Variants in WASL observed in about 807,000 individuals in gnomAD.
WASL encodes the protein WASP like actin nucleation promoting factor, also known as actin nucleation-promoting factor WASL.
Under a neutral mutation model 55.5 loss-of-function variants are expected in WASL, and 20 were observed. That is an observed-to-expected ratio of 0.36 (90% CI 0.25 to 0.52). WASL has a LOEUF of 0.52. Among genes scored for constraint, WASL ranks in the 20% least tolerant of loss-of-function variants. WASL has a pLI of 0.92. For missense variants in WASL, 504 were observed against 622.5 expected (o/e 0.81, Z 2.03); for synonymous variants, 249 against 217.6 (o/e 1.14, Z -1.27).
intron 5 of WASL, among the ~76,000 whole-genome samples, chr7:123,702,753 G>A (rs1216628559): frequency 6.6e-6 from 1 of 152,196 alleles, no homozygotes; most frequent in Non-Finnish European, 1.5e-5. Flanking sequence ...AAAGCATATA[G>A]GAGAATCTGT....
intron 1 of WASL, among the ~76,000 whole-genome samples, chr7:123,714,411 A>G (rs1803805723): frequency 6.6e-6 from 1 of 152,126 alleles, no homozygotes; most frequent in Non-Finnish European, 1.5e-5. Context: ...ATGACAAAAG[A>G]CTCCACAAGA....
intron 5 of WASL, among the ~76,000 whole-genome samples, chr7:123,704,058 T>C (rs1286780702): frequency 6.6e-6 from 1 of 152,168 alleles, no homozygotes; most frequent in Non-Finnish European, 1.5e-5. Flanking sequence ...TGGTATTCAA[T>C]GTTTTTTAAA....
chr7:123,684,555 T>C lies in WASL; in HGVS notation c.1482A>G (p.Glu494=). The C allele has an allele frequency of 7.1e-7, 1 of 1,399,050 alleles. No homozygotes were observed. The allele number at this position is 1,399,050 out of a possible 1,614,324, so 86.7% of individuals were successfully genotyped here. A position where few individuals can be genotyped will look rare whatever the true frequency, so the allele number is the denominator to read the frequency against. The change falls in exon 11 of 11, where the codon GAA becomes GAG. Residue 494 remains glutamate (E), a synonymous_variant. Transcript: ENST00000223023. ...ACTCATCATCATCCTCAAAATCTTC[T>C]TCATCATCTTCATCTTCATCTTCAT... ...SSDEDEDEDD[E]EDFEDDDEWE... is the part of the protein sequence containing the mutation.
intron 10 of WASL, among the ~76,000 whole-genome samples, chr7:123,685,484 A>T (rs927992149): frequency 3.3e-5 from 5 of 152,066 alleles, no homozygotes; most frequent in Non-Finnish European, 5.9e-5. Flanking sequence ...TTTAGAAACC[A>T]TTCATAAACT....
chr7:123,717,390 C>T (rs1803863503), intron 1 of WASL, among the ~76,000 whole-genome samples: 1 of 152,216 alleles, frequency 6.6e-6, no homozygotes, highest in Non-Finnish European at 1.5e-5. Context: ...TGCCTAGGGG[C>T]TCCTCTTTAG....
intron 1 of WASL, among the ~76,000 whole-genome samples, chr7:123,742,223 C>G (rs1804355234): frequency 6.6e-6 from 1 of 152,172 alleles, no homozygotes; most frequent in African/African-American, 2.4e-5. Flanking sequence ...CCCTTTGCAT[C>G]TTAAAAGCAT....
chr7:123,741,647 T>C (rs1027296628), intron 1 of WASL, among the ~76,000 whole-genome samples: 6 of 152,286 alleles, frequency 3.9e-5, no homozygotes, highest in African/African-American at 1.4e-4. Context: ...TATACTTCCA[T>C]TAATATTATT....
rs1803498202 is a variant in WASL, at chr7:123,696,689, T to C, written c.519A>G (p.Arg173=). ...TGTTGTTGACTTGTGGACCATAAAA[T>C]CTATTTGTTGTGATTTCTGGATTTT... ...DIKNPEITTN[R]FYGPQVNNIS... is the part of the protein sequence containing the mutation. The change falls in exon 6 of 11, where the codon AGA becomes AGG. Residue 173 remains arginine, a synonymous_variant. Coordinates refer to ENST00000223023, the MANE Select transcript of WASL (RefSeq NM_003941.4). 6.2e-7 allele frequency: 1 copy of C among 1,602,770 alleles called. No homozygotes were observed. The highest frequency in any genetic ancestry group is 2.3e-5 in the East Asian group (1 of 44,168).
chr7:123,687,241 C>T (rs961605658), intron 10 of WASL, among the ~76,000 whole-genome samples: 1 of 152,090 alleles, frequency 6.6e-6, no homozygotes, highest in Non-Finnish European at 1.5e-5. Context: ...TGGTTCAAGC[C>T]TCCATCACCT....
chr7:123,700,938 G>A (rs186265160), intron 5 of WASL, among the ~76,000 whole-genome samples: 26 of 152,288 alleles, frequency 1.7e-4, no homozygotes, highest in African/African-American at 6.0e-4. Context: ...ATACATTCAA[G>A]AGGTTAGGTA....
chr7:123,723,567 T>C (rs1803990609), intron 1 of WASL, among the ~76,000 whole-genome samples: 1 of 152,170 alleles, frequency 6.6e-6, no homozygotes, highest in Non-Finnish European at 1.5e-5. Flanking sequence ...CCAACCCCAA[T>C]ACTTCCAGTG....
chr7:123,693,676 A>G (rs1201401010), intron 8 of WASL, among the ~76,000 whole-genome samples: 1 of 152,356 alleles, frequency 6.6e-6, no homozygotes, highest in East Asian at 1.9e-4. Context: ...TAACAGAAAA[A>G]TAAACTTGGC....
Position 123,683,926 on chromosome 7 carries a change from A to C in WASL, c.*593T>G, listed in dbSNP as rs187198730. On this transcript the variant is annotated 3_prime_UTR_variant, in exon 11 of 11. Transcript: ENST00000223023. Reference sequence around the variant, plus strand: ...CAGTATTACTGTAAGAGGTGTGTTAATCGTCTTCCCCACTAGTATCTCTGT... The same window carrying C: ...CAGTATTACTGTAAGAGGTGTGTTACTCGTCTTCCCCACTAGTATCTCTGT... 378 of 152,152 alleles carry C rather than the reference A, an allele frequency of 2.5e-3. 3 individuals are homozygous for C. Among genetic ancestry groups the C allele is most frequent in the African/African-American group, 8.4e-3 (351 of 41,554 alleles). The allele number at this position is 152,152 out of a possible 1,614,324, so 9.4% of individuals were successfully genotyped here.
intron 5 of WASL, among the ~76,000 whole-genome samples, chr7:123,699,465 A>G (rs945845361): frequency 1.3e-5 from 2 of 152,192 alleles, no homozygotes; most frequent in African/African-American, 2.4e-5. Flanking sequence ...ACTATAAACA[A>G]TCAGACTCAC....
intron 10 of WASL, among the ~76,000 whole-genome samples, chr7:123,687,618 CCCT>C (rs1415712557): frequency 1.3e-5 from 2 of 152,118 alleles, no homozygotes; most frequent in Non-Finnish European, 2.9e-5. Context: ...ACAGTCTGCC[CCCT>C]ATTTCCCTTT....
At chr7:123,733,435 A>C (rs1182669964) in intron 1 of WASL, among the ~76,000 whole-genome samples, 1 of 152,180 alleles carries the variant, frequency 6.6e-6, no homozygotes, top group East Asian at 1.9e-4. Flanking sequence ...ATCTCTGTAT[A>C]AATCTAATAA....
intron 5 of WASL, among the ~76,000 whole-genome samples, chr7:123,702,992 T>TATA (rs988057018): frequency 1.6e-4 from 24 of 152,340 alleles, no homozygotes; most frequent in African/African-American, 5.8e-4. Context: ...CAATACTGTA[T>TATA]ATACTCTCCA....
intron 5 of WASL, among the ~76,000 whole-genome samples, chr7:123,699,908 G>A (rs1404522815): frequency 2.0e-5 from 3 of 152,030 alleles, no homozygotes; most frequent in Non-Finnish European, 4.4e-5. Flanking sequence ...CGGGCGCGGT[G>A]GCTCACGCCT....
At chr7:123,746,308 C>T (rs1441497605) in intron 1 of WASL, among the ~76,000 whole-genome samples, 1 of 152,150 alleles carries the variant, frequency 6.6e-6, no homozygotes, top group Admixed American at 6.5e-5. Context: ...AATGAAGCTC[C>T]TCCAGAGCTT....
Sources: allele counts gnomAD v4.1 joint callset (sites outside exome capture counted in the v4.1 genomes callset), GRCh38; gene constraint gnomAD v4.1.1; transcripts MANE v1.5; gene names NCBI Gene and HGNC (gene_info 2026-07-23, HGNC 2026-07-21).